Variants in NAP1L4 observed in about 807,000 individuals in gnomAD.
The protein encoded by NAP1L4 is nucleosome assembly protein 1 like 4.
NAP1L4 carries 15 observed loss-of-function variants against 58.2 expected under a neutral mutation model. The ratio of observed to expected loss-of-function variants is 0.26; its 90% confidence interval spans 0.17 to 0.40. The LOEUF (loss-of-function observed/expected upper bound fraction) is 0.40. Ranked by LOEUF, NAP1L4 falls within the 10% of genes least tolerant of loss-of-function variation. NAP1L4 has a pLI of 1.00. For missense variants in NAP1L4, 384 were observed against 451.1 expected (o/e 0.85, Z 1.35); for synonymous variants, 171 against 155.6 (o/e 1.10, Z -0.74).
At chr11:2,950,297 CAAA>C (rs58457643) in intron 14 of NAP1L4, among the ~76,000 whole-genome samples, 2 of 152,140 alleles carry the variant, frequency 1.3e-5, no homozygotes, top group African/African-American at 4.8e-5. Flanking sequence ...GACACATTCT[CAAA>C]AAAGTTTTAA....
chr11:2,964,816 G>A, intron 7 of NAP1L4, 65 bp from the exon 8 acceptor site: 1 of 1,234,302 alleles, frequency 8.1e-7, no homozygotes, highest in Non-Finnish European at 1.2e-6. Context: ...CTCCCGAAGA[G>A]TCATGGTTGC....
At chr11:2,976,694 G>A (rs1847983976) in intron 3 of NAP1L4, among the ~76,000 whole-genome samples, 1 of 152,138 alleles carries the variant, frequency 6.6e-6, no homozygotes, top group African/African-American at 2.4e-5. Context: ...AAGCACTTCT[G>A]ACCATTCCAC....
intron 8 of NAP1L4, among the ~76,000 whole-genome samples, chr11:2,961,104 T>C (rs368403353): frequency 3.1e-4 from 46 of 147,536 alleles, no homozygotes; most frequent in African/African-American, 8.4e-4. Context: ...TCCATTTTCA[T>C]TGTAATGGTA....
At chr11:2,950,137 C>T (rs1332912070) in intron 14 of NAP1L4, among the ~76,000 whole-genome samples, 1 of 152,246 alleles carries the variant, frequency 6.6e-6, no homozygotes, top group Non-Finnish European at 1.5e-5. Context: ...GCAAGGCAGA[C>T]CCAGGCCTTG....
At chr11:2,975,217 C>A (rs186308444) in intron 4 of NAP1L4, among the ~76,000 whole-genome samples, 197 of 151,438 alleles carry the variant, frequency 1.3e-3, no homozygotes, top group Non-Finnish European at 2.3e-3. Flanking sequence ...ACTCTGGAGG[C>A]TGAGGTAGAA....
chr11:2,958,354 A>AT, intron 10 of NAP1L4, 45 bp downstream of exon 10: 1 of 1,605,214 alleles, frequency 6.2e-7, no homozygotes. Flanking sequence ...GACCAAAATT[A>AT]TTTTATATAA....
chr11:2,986,036 A>C (rs1339886163), intron 1 of NAP1L4, among the ~76,000 whole-genome samples: 4 of 152,218 alleles, frequency 2.6e-5, no homozygotes, highest in Non-Finnish European at 5.9e-5. Context: ...TTAAATTCCT[A>C]ATTTTGAACT....
At chr11:2,957,053 C>T (rs527592475) in intron 10 of NAP1L4, among the ~76,000 whole-genome samples, 1 of 151,974 alleles carries the variant, frequency 6.6e-6, no homozygotes, top group East Asian at 1.9e-4. Flanking sequence ...GTGCAACCAT[C>T]ATACCCTAAA....
At chr11:2,963,717 C>T (rs1220114214) in intron 8 of NAP1L4, 16 of 518,058 alleles carry the variant, frequency 3.1e-5, no homozygotes, top group South Asian at 2.1e-4. Flanking sequence ...GGCCCCAGGC[C>T]CCTACCACCA....
intron 8 of NAP1L4, among the ~76,000 whole-genome samples, chr11:2,964,311 A>C (rs7127443): frequency 6.6e-6 from 1 of 152,068 alleles, no homozygotes; most frequent in South Asian, 2.1e-4. Flanking sequence ...CTACAAGACC[A>C]AGGCCTGGCA....
chr11:2,960,969 C>T (rs1411939141), intron 8 of NAP1L4, among the ~76,000 whole-genome samples: 3 of 152,074 alleles, frequency 2.0e-5, no homozygotes, highest in African/African-American at 7.2e-5. Flanking sequence ...TCAATGTCTC[C>T]GTGCTTTAGT....
In NAP1L4 at chr11:2,972,127, G is replaced by A. The variant is rs377175684; in HGVS notation, c.290C>T (p.Ala97Val). The A allele has an allele frequency of 5.1e-5, 82 of 1,596,476 alleles. No individual in the cohort carries two copies. Among genetic ancestry groups the A allele is most frequent in the Middle Eastern group, 2.1e-4 (1 of 4,766 alleles). Reference sequence around the variant, plus strand: ...CTTGTCAAAGAGAGGCTGGTATAGCGCTGCATACTTTCTTTCCAAGTCATG... The same window carrying A: ...CTTGTCAAAGAGAGGCTGGTATAGCACTGCATACTTTCTTTCCAAGTCATG... Reference protein sequence around the residue: ...EVHDLERKYAALYQPLFDKRR... With the variant: ...EVHDLERKYAVLYQPLFDKRR... Residue 97 changes from alanine (A) to valine (V), a missense_variant, in exon 5 of 16, where the codon GCG becomes GTG. Ala to Val is a moderately conservative substitution (Grantham distance 64). Around this residue, in one of 3 missense-constraint regions of NAP1L4, gnomAD observed 296 missense variants for 360.8 expected, o/e 0.82. Transcript: ENST00000380542.
In NAP1L4 at chr11:2,948,273, G is replaced by A. The variant is rs1291791953; in HGVS notation, c.*32+954C>T. The stretch of plus-strand genomic sequence containing the variant: ...AAAGCAGCCTACATGAGGAAGACAG[G>A]GAGGCGGTGGCGCTAAGACCTCAAG... On this transcript the variant is annotated intron_variant, in intron 15 of 15. Transcript: ENST00000380542. This position sits in a 1 kb window ranked among gnomAD's most constrained non-coding sequence, Gnocchi z 5.1. Among the ~76,000 whole-genome samples the A allele has an allele frequency of 2.0e-5, 3 of 152,218 alleles. No individual in the cohort carries two copies. Among genetic ancestry groups the A allele is most frequent in the African/African-American group, 7.2e-5 (3 of 41,454 alleles).
chr11:2,947,041 G>C (rs1011851169), intron 15 of NAP1L4, among the ~76,000 whole-genome samples: 1 of 152,178 alleles, frequency 6.6e-6, no homozygotes, highest in Non-Finnish European at 1.5e-5. Context: ...CAAGGTGACA[G>C]ACTCCATCTT....
intron 3 of NAP1L4, among the ~76,000 whole-genome samples, chr11:2,978,074 C>A (rs1340064343): frequency 6.6e-6 from 1 of 152,232 alleles, no homozygotes; most frequent in Non-Finnish European, 1.5e-5. Flanking sequence ...AGAAGGTAGA[C>A]TGTACTATTA....
intron 10 of NAP1L4, among the ~76,000 whole-genome samples, chr11:2,956,223 G>A (rs78451483): frequency 0.012 from 1,893 of 152,290 alleles, 34 homozygotes; most frequent in African/African-American, 0.043. Flanking sequence ...GCAAATCAGC[G>A]AGACAGAAAC....
intron 3 of NAP1L4, among the ~76,000 whole-genome samples, chr11:2,977,402 C>T (rs541669213): frequency 6.6e-6 from 1 of 152,282 alleles, no homozygotes; most frequent in East Asian, 1.9e-4. Flanking sequence ...GCCCTTCTTG[C>T]CAAAATGTTT....
intron 1 of NAP1L4, among the ~76,000 whole-genome samples, chr11:2,989,694 C>T (rs760142966): frequency 6.6e-6 from 1 of 152,304 alleles, no homozygotes; most frequent in Non-Finnish European, 1.5e-5. Flanking sequence ...CTGCGAATAG[C>T]TAACAAAGGG....
At chr11:2,983,583 G>A (rs193013090) in intron 1 of NAP1L4, among the ~76,000 whole-genome samples, 143 of 127,238 alleles carry the variant, frequency 1.1e-3, no homozygotes, top group Non-Finnish European at 1.6e-3. Context: ...AACCCAACAC[G>A]GTATTCTGGA....
Sources: gnomAD v4.1 joint callset for allele counts (sites outside exome capture counted in the v4.1 genomes callset) on GRCh38, gnomAD v4.1.1 for gene constraint, gnomAD v4.1.1 regional missense constraint, Gnocchi (gnomAD v3.1) non-coding constraint, MANE v1.5 for transcripts, NCBI Gene and HGNC (gene_info 2026-07-23, HGNC 2026-07-21) for gene names.